The following USP34 variants were observed in gnomAD, a reference collection of about 807,000 sequenced individuals.
The protein encoded by USP34 is ubiquitin specific peptidase 34, also known as ubiquitin carboxyl-terminal hydrolase 34.
Under a neutral mutation model 460.3 loss-of-function variants are expected in USP34, and 70 were observed. The observed-to-expected ratio is 0.15, with a 90% confidence interval of 0.13 to 0.19. USP34 has a LOEUF of 0.19. Among genes scored for constraint, USP34 ranks in the 10% least tolerant of loss-of-function variants. The probability of loss-of-function intolerance (pLI) is 1.00; values close to 1 mark genes in which losing one functional copy is unlikely to be tolerated. For synonymous variants in USP34, 1,647 were observed against 1,405.3 expected, an observed-to-expected ratio of 1.17 and a Z score of -3.85; for missense variants, 3,985 against 4,236.2, an observed-to-expected ratio of 0.94 and a Z score of 1.65.
chr2:61,235,755 A>G, intron 57 of USP34, 90 bp downstream of exon 57: 1 of 1,345,368 alleles, frequency 7.4e-7, no homozygotes, highest in Non-Finnish European at 1.0e-6. Flanking sequence ...TGTGACAGAT[A>G]AAACAACTCT....
chr2:61,452,387 C>T (rs1695310178), intron 1 of USP34, among the ~76,000 whole-genome samples: 1 of 133,636 alleles, frequency 7.5e-6, no homozygotes, highest in Non-Finnish European at 1.5e-5. Flanking sequence ...TGTAGTGGCG[C>T]GATCTCAGCT....
At chr2:61,222,897 A>AT in intron 64 of USP34, 163 bp downstream of exon 64, 15 of 703,240 alleles carry the variant, frequency 2.1e-5, no homozygotes, top group Non-Finnish European at 3.3e-5. Context: ...GGTTCTCACT[A>AT]TGTTGCCTAG....
At chr2:61,248,486 C>G (rs1558489785) in intron 49 of USP34, 25 bp downstream of exon 49, 2 of 1,525,898 alleles carry the variant, frequency 1.3e-6, no homozygotes, top group Admixed American at 3.9e-5. Flanking sequence ...TAATCACAGA[C>G]AAGAGAAAGA....
chr2:61,352,533 C>T (rs1451222769), intron 10 of USP34, among the ~76,000 whole-genome samples: 2 of 151,522 alleles, frequency 1.3e-5, no homozygotes, highest in African/African-American at 2.4e-5. Flanking sequence ...CATGATATTG[C>T]CCAGTCTAAT....
intron 1 of USP34, among the ~76,000 whole-genome samples, chr2:61,450,182 C>G (rs935704070): frequency 6.6e-6 from 1 of 151,780 alleles, no homozygotes; most frequent in Non-Finnish European, 1.5e-5. Flanking sequence ...AGTAGGCAGT[C>G]ACAAAAAAAA....
At chr2:61,257,025 A>G in intron 46 of USP34, 27 bp downstream of exon 46, 2 of 1,468,466 alleles carry the variant, frequency 1.4e-6, no homozygotes, top group Non-Finnish European at 1.8e-6. Flanking sequence ...AGATCTCCAA[A>G]AAGTAAAAAC....
intron 75 of USP34, chr2:61,200,746 T>C (rs1052865140): frequency 1.3e-5 from 2 of 152,340 alleles, no homozygotes; most frequent in African/African-American, 4.8e-5. Context: ...GAAGAAATTA[T>C]ACAAATTAAA....
chr2:61,242,842 G>A (rs1323264537), intron 51 of USP34, among the ~76,000 whole-genome samples: 4 of 152,054 alleles, frequency 2.6e-5, no homozygotes, highest in East Asian at 1.9e-4. Flanking sequence ...AAAACACAAA[G>A]ATTCAAAACA....
At chr2:61,465,956 G>T (rs566441921) in intron 1 of USP34, among the ~76,000 whole-genome samples, 54 of 151,040 alleles carry the variant, frequency 3.6e-4, no homozygotes, top group Non-Finnish European at 6.6e-4. Context: ...CAGCCTGGGT[G>T]ACAGAACAAG....
At chr2:61,268,988 A>T (rs776578342) in intron 41 of USP34, among the ~76,000 whole-genome samples, 10 of 144,674 alleles carry the variant, frequency 6.9e-5, no homozygotes, top group Non-Finnish European at 1.4e-4. Flanking sequence ...TTAAGACAAT[A>T]TCATGTACAC....
At chr2:61,387,681 A>C (rs1468155959) in intron 5 of USP34, among the ~76,000 whole-genome samples, 1 of 143,712 alleles carries the variant, frequency 7.0e-6, no homozygotes, top group Non-Finnish European at 1.5e-5. Context: ...ATGTAAAAAT[A>C]TATTTTTACA....
chr2:61,230,606 G>A (rs1687865086), intron 58 of USP34, among the ~76,000 whole-genome samples: 1 of 152,020 alleles, frequency 6.6e-6, no homozygotes. Context: ...ACACTGGGAG[G>A]CCAAGGCGGG....
intron 74 of USP34, 69 bp from the exon 75 acceptor site, chr2:61,203,332 T>G: frequency 7.5e-7 from 1 of 1,333,172 alleles, no homozygotes. Flanking sequence ...TGTGCAAATG[T>G]AATAAGTTTA....
In USP34 at chr2:61,349,640, A is replaced by AC. The variant is rs574583905; in HGVS notation, c.1508-356dup. On this transcript the variant is annotated intron_variant, in intron 12 of 79. Transcript: ENST00000398571. ...TGGATGACAAGATCAGGAGATCGAG[A>AC]CCATCCTGGCTAACACGGTGAAACC... Among the ~76,000 whole-genome samples the AC allele has an allele frequency of 6.0e-4, 91 of 152,304 alleles. No individual in the cohort carries two copies. In the South Asian group the frequency reaches 0.018, roughly 31 times the overall value.
intron 3 of USP34, among the ~76,000 whole-genome samples, chr2:61,402,043 G>A (rs2103923789): frequency 6.6e-6 from 1 of 151,876 alleles, no homozygotes; most frequent in African/African-American, 2.4e-5. Context: ...CTGAGGCCAT[G>A]AGTTCGAGAC....
chr2:61,452,318 CTTT>C (rs35104375), intron 1 of USP34, among the ~76,000 whole-genome samples: 4 of 89,900 alleles, frequency 4.4e-5, no homozygotes, highest in Non-Finnish European at 8.3e-5. Context: ...ATTCCCGGCA[CTTT>C]TTTTTTTTTT....
chr2:61,246,503 A>G, intron 49 of USP34, 26 bp from the exon 50 acceptor site: 1 of 1,453,490 alleles, frequency 6.9e-7, no homozygotes, highest in Non-Finnish European at 9.2e-7. Flanking sequence ...CAGAATGGAA[A>G]TAATTTTCCA....
chr2:61,232,820 T>C (rs1687946402), intron 57 of USP34, among the ~76,000 whole-genome samples: 1 of 146,730 alleles, frequency 6.8e-6, no homozygotes. Flanking sequence ...AAATGTGACA[T>C]AGAATCTTTA....
At chr2:61,330,720 A>G (rs1434515290) in intron 20 of USP34, among the ~76,000 whole-genome samples, 11 of 152,174 alleles carry the variant, frequency 7.2e-5, no homozygotes, top group Admixed American at 6.5e-4. Context: ...CTTCAAATAC[A>G]GCTATACCAC....
Sources: allele counts gnomAD v4.1 joint callset (sites outside exome capture counted in the v4.1 genomes callset), GRCh38; gene constraint gnomAD v4.1.1; transcripts MANE v1.5; gene names NCBI Gene and HGNC (gene_info 2026-07-23, HGNC 2026-07-21).